Variants in FHOD3 observed in about 807,000 individuals in gnomAD.
FHOD3 encodes the protein FH1/FH2 domain-containing protein 3.
Under a neutral mutation model 173.0 loss-of-function variants are expected in FHOD3, and 90 were observed. That is an observed-to-expected ratio of 0.52 (90% confidence interval 0.44 to 0.62). FHOD3 has a LOEUF of 0.62. Ranked by LOEUF, FHOD3 falls within the 20% of genes least tolerant of loss-of-function variation. The pLI is 0.00. For synonymous variants in FHOD3, 828 were observed against 823.0 expected (o/e 1.01, Z -0.10); for missense variants, 1,945 against 2,034.7 (o/e 0.96, Z 0.85).
At chr18:36,779,334 C>T (rs1600698389) in intron 28 of FHOD3, 114 bp from the exon 29 acceptor site, 4 of 906,772 alleles carry the variant, frequency 4.4e-6, no homozygotes, top group Non-Finnish European at 7.0e-6. Context: ...CCTCTGGCTT[C>T]TCTGGAAGTC....
intron 3 of FHOD3, among the ~76,000 whole-genome samples, chr18:36,490,135 G>T (rs1020600455): frequency 6.6e-6 from 1 of 152,188 alleles, no homozygotes; most frequent in African/African-American, 2.4e-5. Context: ...CAACCTCTCC[G>T]CAGAGGGAGG....
chr18:36,736,475 G>A (rs555029275), intron 20 of FHOD3, among the ~76,000 whole-genome samples: 55 of 152,178 alleles, frequency 3.6e-4, no homozygotes, highest in Non-Finnish European at 6.8e-4. Context: ...AATACAGAGG[G>A]TTTCATTGCC....
chr18:36,485,057 G>T (rs2054123703), intron 3 of FHOD3, among the ~76,000 whole-genome samples: 1 of 152,186 alleles, frequency 6.6e-6, no homozygotes, highest in Admixed American at 6.5e-5. Flanking sequence ...AGGAGTTGGG[G>T]TGTGGGGGCT....
intron 2 of FHOD3, among the ~76,000 whole-genome samples, chr18:36,363,248 A>G (rs1188506915): frequency 6.6e-6 from 1 of 152,246 alleles, no homozygotes; most frequent in Non-Finnish European, 1.5e-5. Flanking sequence ...AGTTTCTTAC[A>G]AAGCTAAATG....
intron 3 of FHOD3, among the ~76,000 whole-genome samples, chr18:36,441,525 T>A (rs546542779): frequency 9.2e-5 from 14 of 152,274 alleles, no homozygotes; most frequent in Non-Finnish European, 2.1e-4. Context: ...CTAGGAGGCC[T>A]GCTGCAGACT....
chr18:36,472,175 G>A (rs1790641), intron 3 of FHOD3, among the ~76,000 whole-genome samples: 89,413 of 151,990 alleles, frequency 0.59, 26,538 homozygotes, highest in Admixed American at 0.67. Flanking sequence ...CTATTAAGAT[G>A]CAGCTTTTAT....
intron 14 of FHOD3, among the ~76,000 whole-genome samples, chr18:36,676,484 G>T (rs1331699359): frequency 6.6e-6 from 1 of 152,094 alleles, no homozygotes; most frequent in Non-Finnish European, 1.5e-5. Flanking sequence ...GCAACATATA[G>T]AATTATTTAC....
At chr18:36,776,273 C>G (rs2043645381) in intron 28 of FHOD3, among the ~76,000 whole-genome samples, 1 of 151,902 alleles carries the variant, frequency 6.6e-6, no homozygotes, top group Non-Finnish European at 1.5e-5. Flanking sequence ...TCTCCCCACA[C>G]TGTGTCCCCA....
rs559667842 is a variant in FHOD3 at position 36,643,022 on chromosome 18, CTTGTT to C, written c.1197-6290_1197-6286del. Among the ~76,000 whole-genome samples, 15 of 151,536 alleles carry C rather than the reference CTTGTT, an allele frequency of 9.9e-5. No individual in the cohort carries two copies. The South Asian group carries it at 2.7e-3, about 28-fold the overall frequency. On this transcript the variant is annotated intron_variant, in intron 10 of 28. Coordinates refer to ENST00000590592, the MANE Select transcript of FHOD3 (RefSeq NM_001281740.3). Reference sequence around the variant, plus strand: ...TTGTAAAATGTATGTTCTTCTTGGACTTGTTTTGGTCACTCAGCGTTATGTTTCTG... The same window carrying C: ...TTGTAAAATGTATGTTCTTCTTGGACTTGGTCACTCAGCGTTATGTTTCTG...
intron 1 of FHOD3, among the ~76,000 whole-genome samples, chr18:36,306,165 G>C (rs1444363614): frequency 6.6e-6 from 1 of 152,234 alleles, no homozygotes; most frequent in Non-Finnish European, 1.5e-5. Flanking sequence ...GCAGCTGGAA[G>C]GGCATGGGCG....
chr18:36,725,103 G>A (rs77978742), intron 19 of FHOD3, among the ~76,000 whole-genome samples: 24 of 152,302 alleles, frequency 1.6e-4, no homozygotes, highest in African/African-American at 5.8e-4. Context: ...TTCACATCCA[G>A]CCAACCCCTA....
At chr18:36,637,326 CAG>C (rs1377146873) in intron 10 of FHOD3, among the ~76,000 whole-genome samples, 1 of 152,182 alleles carries the variant, frequency 6.6e-6, no homozygotes, top group Admixed American at 6.5e-5. Flanking sequence ...TTTTCTGAGA[CAG>C]AGTCTTGCTC....
chr18:36,414,393 G>A (rs143129576), intron 3 of FHOD3, among the ~76,000 whole-genome samples: 116 of 152,268 alleles, frequency 7.6e-4, no homozygotes, highest in African/African-American at 2.6e-3. Flanking sequence ...TTACTGCTTC[G>A]TCCAGAGTGC....
chr18:36,732,581 T>C (rs1310560101), intron 20 of FHOD3, among the ~76,000 whole-genome samples: 1 of 152,148 alleles, frequency 6.6e-6, no homozygotes, highest in East Asian at 1.9e-4. Flanking sequence ...TACCAGTCAT[T>C]GGACTTAGGG....
intron 11 of FHOD3, 32 bp downstream of exon 11, chr18:36,649,437 C>A: frequency 6.7e-7 from 1 of 1,496,086 alleles, no homozygotes. Flanking sequence ...CAAGCTCACA[C>A]TAAAAGTGGG....
At chr18:36,604,183 C>T (rs2031789135) in intron 8 of FHOD3, among the ~76,000 whole-genome samples, 2 of 152,064 alleles carry the variant, frequency 1.3e-5, no homozygotes, top group Admixed American at 1.3e-4. Flanking sequence ...GGCACCTCGC[C>T]AGCCACCCCA....
intron 1 of FHOD3, among the ~76,000 whole-genome samples, chr18:36,341,175 A>T (rs1488144737): frequency 6.6e-6 from 1 of 152,198 alleles, no homozygotes; most frequent in African/African-American, 2.4e-5. Context: ...ATGAAATAAT[A>T]ATAGTGCCAT....
chr18:36,736,241 C>T (rs4346268), intron 20 of FHOD3, among the ~76,000 whole-genome samples: 2 of 152,074 alleles, frequency 1.3e-5, no homozygotes, highest in Non-Finnish European at 2.9e-5. Context: ...CAACCCCTGA[C>T]ACCCCACAGG....
Position 36,625,537 on chromosome 18 carries a change from T to A in FHOD3, c.984T>A (p.Asp328Glu). Residue 328 changes from aspartate (D) to glutamate (E), a missense_variant, in exon 10 of 29, where the codon GAT becomes GAA. This residue lies in a region of FHOD3 where 1,099 missense variants were observed against 1,051.2 expected (regional missense o/e 1.05). Transcript: ENST00000590592. The stretch of plus-strand genomic sequence containing the variant: ...TGGCGCTCAGGCACGAGGATGGCGA[T>A]GAGACCACGGAGCCACCCCCCAGTG... ...YEVALRHEDGDETTEPPPSGC... is the reference protein window; with the variant it reads ...YEVALRHEDGEETTEPPPSGC... 2.0e-6 allele frequency: 3 copies of A among 1,463,674 alleles called. No individual in the cohort carries two copies. The highest frequency in any genetic ancestry group is 2.7e-6 in the Non-Finnish European group (3 of 1,094,920). 90.7% of individuals were successfully genotyped at this position (1,463,674 alleles called of 1,614,324 possible).
Sources: allele counts gnomAD v4.1 joint callset (sites outside exome capture counted in the v4.1 genomes callset), GRCh38; gene constraint gnomAD v4.1.1; regional missense constraint gnomAD v4.1.1; transcripts MANE v1.5; gene names NCBI Gene and HGNC (gene_info 2026-07-23, HGNC 2026-07-21).